Variants in CNTNAP2 observed in about 807,000 individuals in gnomAD.
CNTNAP2 encodes the protein contactin associated protein 2, also known as contactin-associated protein-like 2.
Under a neutral mutation model 155.2 loss-of-function variants are expected in CNTNAP2, and 98 were observed. That is an observed-to-expected ratio of 0.63 (90% confidence interval 0.54 to 0.75). The LOEUF (loss-of-function observed/expected upper bound fraction) is 0.75, where lower values mean the gene tolerates loss of function less well. Among genes scored for constraint, CNTNAP2 ranks in the 30% least tolerant of loss-of-function variants. The pLI is 0.00. For synonymous variants in CNTNAP2, 651 were observed against 631.2 expected, an observed-to-expected ratio of 1.03 and a Z score of -0.47; for missense variants, 1,727 against 1,688.1, an observed-to-expected ratio of 1.02 and a Z score of -0.40.
chr7:146,765,111 C>G (rs1335511870), intron 1 of CNTNAP2, among the ~76,000 whole-genome samples: 1 of 151,972 alleles, frequency 6.6e-6, no homozygotes, highest in Non-Finnish European at 1.5e-5. Flanking sequence ...CTTTTTAAGA[C>G]TAAAAGTAGA....
chr7:146,721,976 C>A (rs1801344716), intron 1 of CNTNAP2, among the ~76,000 whole-genome samples: 1 of 146,858 alleles, frequency 6.8e-6, no homozygotes, highest in East Asian at 2.0e-4. Context: ...GCAACCTCCA[C>A]CTCCTAGGTT....
At chr7:147,730,352 C>T (rs1339742265) in intron 13 of CNTNAP2, among the ~76,000 whole-genome samples, 2 of 152,076 alleles carry the variant, frequency 1.3e-5, no homozygotes, top group Non-Finnish European at 2.9e-5. Context: ...ACCCTATTGG[C>T]GCCATTTTCT....
At chr7:146,358,356 G>A (rs138248261) in intron 1 of CNTNAP2, among the ~76,000 whole-genome samples, 7 of 152,242 alleles carry the variant, frequency 4.6e-5, no homozygotes, top group Admixed American at 2.6e-4. Context: ...TTTATGATCC[G>A]TAGGCATCAG....
intron 1 of CNTNAP2, among the ~76,000 whole-genome samples, chr7:146,159,215 T>A (rs1798177890): frequency 6.6e-6 from 1 of 152,172 alleles, no homozygotes; most frequent in Admixed American, 6.5e-5. Context: ...CCACCAGGCC[T>A]GCCTTACAAG....
At chr7:146,344,953 GT>G in intron 1 of CNTNAP2, among the ~76,000 whole-genome samples, 1 of 152,304 alleles carries the variant, frequency 6.6e-6, no homozygotes, top group East Asian at 1.9e-4. Context: ...AGAAAGAGCT[GT>G]TGGAACAGTC....
At chr7:147,548,293 C>T (rs1305656224) in intron 11 of CNTNAP2, among the ~76,000 whole-genome samples, 1 of 152,122 alleles carries the variant, frequency 6.6e-6, no homozygotes. Flanking sequence ...TTAATAATCG[C>T]CATTCTGACT....
intron 3 of CNTNAP2, among the ~76,000 whole-genome samples, chr7:146,923,764 A>C (rs1030923092): frequency 6.6e-6 from 1 of 152,110 alleles, no homozygotes; most frequent in Admixed American, 6.6e-5. Flanking sequence ...AATTTGATCA[A>C]GATCTCTCTC....
rs918908979 is a variant in CNTNAP2 at position 148,387,265 on chromosome 7, C to T, written c.3715+3377C>T. On this transcript the variant is annotated intron_variant, in intron 22 of 23. Coordinates refer to ENST00000361727, the MANE Select transcript of CNTNAP2 (RefSeq NM_014141.6). ...CACATCAGCAATTGCACTCTGGTTT[C>T]GTGAGCCTAAGGTCATCATTCTGAA... is the stretch of plus-strand genomic sequence containing the variant. Among the ~76,000 whole-genome samples, 8 of 152,168 alleles carry T rather than the reference C, an allele frequency of 5.3e-5. No individual in the cohort carries two copies. The East Asian group carries it at 5.8e-4, about 11-fold the overall frequency.
intron 8 of CNTNAP2, among the ~76,000 whole-genome samples, chr7:147,135,299 A>G (rs1442960845): frequency 6.6e-6 from 1 of 151,818 alleles, no homozygotes; most frequent in Non-Finnish European, 1.5e-5. Context: ...GGATTATCTT[A>G]CCATGAAAAT....
intron 13 of CNTNAP2, among the ~76,000 whole-genome samples, chr7:147,702,522 AC>A (rs1796251006): frequency 6.6e-6 from 1 of 151,842 alleles, no homozygotes; most frequent in African/African-American, 2.4e-5. Flanking sequence ...TCCTCACTAG[AC>A]TTCTTCTCGG....
At chr7:147,213,679 A>G (rs373358427) in intron 8 of CNTNAP2, among the ~76,000 whole-genome samples, 1 of 152,172 alleles carries the variant, frequency 6.6e-6, no homozygotes, top group Admixed American at 6.5e-5. Flanking sequence ...ATACTAGCTC[A>G]CATGGTTATG....
chr7:146,191,890 G>T (rs1798711234), intron 1 of CNTNAP2, among the ~76,000 whole-genome samples: 1 of 152,056 alleles, frequency 6.6e-6, no homozygotes, highest in South Asian at 2.1e-4. Flanking sequence ...CGAACAATTT[G>T]TGCAGTTAAC....
intron 10 of CNTNAP2, among the ~76,000 whole-genome samples, chr7:147,421,275 G>T (rs1337441542): frequency 1.3e-5 from 2 of 151,878 alleles, no homozygotes; most frequent in Non-Finnish European, 2.9e-5. Flanking sequence ...TAGTAACTCA[G>T]CCATATATAT....
At chr7:147,187,322 T>G (rs772886162) in intron 8 of CNTNAP2, among the ~76,000 whole-genome samples, 1 of 151,640 alleles carries the variant, frequency 6.6e-6, no homozygotes. Context: ...GAGTGAAGAG[T>G]AGACTCATTA....
chr7:147,701,764 G>A (rs851723), intron 13 of CNTNAP2, among the ~76,000 whole-genome samples: 68,497 of 151,960 alleles, frequency 0.45, 17,522 homozygotes, highest in African/African-American at 0.7. Context: ...TTAACACAGA[G>A]CACATATCAG....
At chr7:147,354,652 G>T (rs1256201209) in intron 9 of CNTNAP2, among the ~76,000 whole-genome samples, 2 of 152,028 alleles carry the variant, frequency 1.3e-5, no homozygotes, top group African/African-American at 2.4e-5. Flanking sequence ...ATTTAAAGTA[G>T]TTTTTTCTAA....
At chr7:148,257,263 C>G (rs142504800) in intron 20 of CNTNAP2, among the ~76,000 whole-genome samples, 2 of 152,314 alleles carry the variant, frequency 1.3e-5, no homozygotes, top group East Asian at 3.9e-4. Context: ...CTGCAGTTAC[C>G]TGCAGGATTC....
intron 1 of CNTNAP2, among the ~76,000 whole-genome samples, chr7:146,474,217 T>C (rs1027727438): frequency 9.3e-5 from 14 of 151,082 alleles, no homozygotes; most frequent in Non-Finnish European, 1.9e-4. Flanking sequence ...TTTATTTTTT[T>C]TTATTTTATT....
At chr7:148,027,971 T>C (rs1802403153) in intron 15 of CNTNAP2, among the ~76,000 whole-genome samples, 1 of 152,168 alleles carries the variant, frequency 6.6e-6, no homozygotes, top group African/African-American at 2.4e-5. Context: ...ATAACACCTA[T>C]AGATGATATC....
Sources: allele counts gnomAD v4.1 joint callset (sites outside exome capture counted in the v4.1 genomes callset), GRCh38; gene constraint gnomAD v4.1.1; transcripts MANE v1.5; gene names NCBI Gene and HGNC (gene_info 2026-07-23, HGNC 2026-07-21).